Variants in NOMO2 observed in about 807,000 individuals in gnomAD.
NOMO2 encodes the protein NODAL modulator 2, also known as BOS complex subunit NOMO2.
A neutral mutation model predicts 67.1 loss-of-function variants in NOMO2; 14 were observed. The observed-to-expected ratio is 0.21, with a 90% CI of 0.14 to 0.33. The LOEUF is 0.33. Ranked by LOEUF, NOMO2 falls within the 10% of genes least tolerant of loss-of-function variation. The pLI, the probability that NOMO2 is intolerant of heterozygous loss-of-function variation, is 1.00. For synonymous variants in NOMO2, 80 were observed against 305.9 expected, an observed-to-expected ratio of 0.26 and a Z score of 7.71; for missense variants, 178 against 761.0, an observed-to-expected ratio of 0.23 and a Z score of 9.01.
intron 15 of NOMO2, among the ~76,000 whole-genome samples, chr16:18,528,994 T>A (rs1160282481): frequency 0.013 from 7 of 524 alleles, no homozygotes; most frequent in Non-Finnish European, 0.03. Context: ...AAAAAATACA[T>A]ATATATATAT....
chr16:18,561,189 A>C (rs1218423570), intron 1 of NOMO2, among the ~76,000 whole-genome samples: 1 of 135,188 alleles, frequency 7.4e-6, no homozygotes, highest in Non-Finnish European at 1.6e-5. Context: ...AAAAAAAAAA[A>C]AAAAAAAAAA....
chr16:18,531,754 A>G lies in NOMO2; in HGVS notation c.1396-147T>C, dbSNP rs1596847301. On this transcript the variant is annotated intron_variant, in intron 12 of 30. Transcript: ENST00000622306. ...TTTCCAGGCCAATTTTACAATCACA[A>G]CAAATCCACGAATAACTTGTGTGAA... 6.1e-6 allele frequency: 9 copies of G among 1,481,270 alleles called. No individual in the cohort carries two copies. In the East Asian group the frequency reaches 1.6e-4, roughly 26 times the overall value. The allele number at this position is 1,481,270 out of a possible 1,614,324, so 91.8% of individuals were successfully genotyped here.
rs1567249216 is a variant in NOMO2 at position 18,561,192 on chromosome 16, A to AAAC, written c.165+683_165+684insGTT. Among the ~76,000 whole-genome samples the AAAC allele has an allele frequency of 3.3e-3, 474 of 143,498 alleles. 12 individuals are homozygous for AAAC. Among genetic ancestry groups the AAAC allele is most frequent in the African/African-American group, 0.012 (452 of 38,922 alleles). 94.1% of individuals were successfully genotyped at this position (143,498 alleles called of 152,430 possible). A position where few individuals can be genotyped will look rare whatever the true frequency, so the allele number is the denominator to read the frequency against. On this transcript the variant is annotated intron_variant, in intron 1 of 30. Coordinates refer to ENST00000622306, the MANE Select transcript of NOMO2 (RefSeq NM_173614.4). ...CTTAATTAAAAAAAAAAAAAAAAAA[A>AAAC]AAAAAAAAAAAAAAACCTTTACAAA...
At chr16:18,547,646 C>T (rs1188516535) in intron 5 of NOMO2, among the ~76,000 whole-genome samples, 1 of 151,768 alleles carries the variant, frequency 6.6e-6, no homozygotes, top group Admixed American at 6.6e-5. Context: ...AGGTGACAGG[C>T]ATGAACTGAC....
At chr16:18,545,527 AAAT>A (rs907505139) in intron 6 of NOMO2, among the ~76,000 whole-genome samples, 3 of 149,378 alleles carry the variant, frequency 2.0e-5, no homozygotes. Flanking sequence ...TACAGAGTAA[AAAT>A]AATAATAAAA....
chr16:18,529,052 T>C (rs1901230272), intron 15 of NOMO2, among the ~76,000 whole-genome samples: 2 of 79,788 alleles, frequency 2.5e-5, no homozygotes, highest in Non-Finnish European at 4.8e-5. Context: ...TCAGAGAAAC[T>C]CACTTGGCAG....
At chr16:18,546,278 C>CAAA (rs71388802) in intron 6 of NOMO2, among the ~76,000 whole-genome samples, 2 of 17,934 alleles carry the variant, frequency 1.1e-4, no homozygotes, top group African/African-American at 2.0e-4. Context: ...GACCCTGTTG[C>CAAA]AAAAAAAAAA....
At chr16:18,560,586 C>G (rs963575343) in intron 1 of NOMO2, among the ~76,000 whole-genome samples, 3 of 151,810 alleles carry the variant, frequency 2.0e-5, no homozygotes, top group Non-Finnish European at 4.4e-5. Context: ...AGTGGGTATT[C>G]ATTCAATGCC....
intron 11 of NOMO2, 43 bp from the exon 12 acceptor site, chr16:18,533,222 A>G (rs371657177): frequency 2.8e-5 from 44 of 1,591,866 alleles, no homozygotes; most frequent in Non-Finnish European, 3.6e-5. Context: ...GGACTCAATT[A>G]TAACAGGAAA....
At chr16:18,550,087 G>A (rs1269225857) in intron 4 of NOMO2, among the ~76,000 whole-genome samples, 1 of 40,226 alleles carries the variant, frequency 2.5e-5, no homozygotes, top group African/African-American at 9.3e-5. Context: ...TTGAACCCAG[G>A]AGGCGGAGGT....
intron 15 of NOMO2, among the ~76,000 whole-genome samples, chr16:18,528,997 A>G (rs1596845151): frequency 9.1e-4 from 1 of 1,104 alleles, no homozygotes; most frequent in African/African-American, 1.6e-3. Context: ...AAATACATAT[A>G]TATATATATA....
At chr16:18,529,266 A>G in intron 15 of NOMO2, 1 of 625,660 alleles carries the variant, frequency 1.6e-6, no homozygotes, top group East Asian at 2.8e-5. Context: ...ACCCCGAATC[A>G]CCAGTCAGAT....
chr16:18,561,932 C>A lies in NOMO2; in HGVS notation c.109G>T (p.Val37Leu), dbSNP rs1197027166. Residue 37 changes from valine (V) to leucine (L), a missense_variant, in exon 1 of 31, where the codon GTG (valine) becomes TTG (leucine). Transcript: ENST00000622306. Reference protein sequence around the residue: ...GPAHGSEDIVVGCGGFVKSDV... With the variant: ...GPAHGSEDIVLGCGGFVKSDV... The stretch of plus-strand genomic sequence containing the variant: ...GACTTGACGAAGCCACCGCAGCCCA[C>A]CACGATGTCCTCCGAGCCGTGCGCC... 1.3e-6 allele frequency: 2 copies of A among 1,580,924 alleles called. No homozygotes were observed. Among genetic ancestry groups the A allele is most frequent in the Admixed American group, 1.8e-5 (1 of 55,030 alleles).
intron 1 of NOMO2, among the ~76,000 whole-genome samples, chr16:18,559,891 C>T (rs2141763740): frequency 6.6e-6 from 1 of 151,640 alleles, no homozygotes; most frequent in Middle Eastern, 3.4e-3. Context: ...CAGTAAGGTC[C>T]CTGTTAGAGA....
chr16:18,550,750 G>A (rs567157783), intron 4 of NOMO2, among the ~76,000 whole-genome samples: 1 of 152,226 alleles, frequency 6.6e-6, no homozygotes, highest in African/African-American at 2.4e-5. Context: ...GCAGATGCAC[G>A]CTCTCTCTGG....
intron 11 of NOMO2, among the ~76,000 whole-genome samples, chr16:18,534,456 C>T (rs930473289): frequency 3.6e-5 from 5 of 137,140 alleles, no homozygotes; most frequent in African/African-American, 1.3e-4. Flanking sequence ...TTACAAATGT[C>T]TATCTCAGCT....
rs2561923 is a variant in NOMO2, at chr16:18,529,200, G to A, written c.1806+301C>T. Among the ~76,000 whole-genome samples the A allele has an allele frequency of 8.8e-3, 1,277 of 145,368 alleles. 8 individuals carry two copies. The highest frequency in any genetic ancestry group is 0.031 in the African/African-American group (1,187 of 38,868). The stretch of plus-strand genomic sequence containing the variant: ...TGAGAAGCAGTAAATGAATTTACCC[G>A]AAGCTATTATTACTAATAATATAAA... On this transcript the variant is annotated intron_variant, in intron 15 of 30. Transcript: ENST00000622306.
chr16:18,562,031 C>T lies in NOMO2; in HGVS notation c.10G>A (p.Gly4Ser). 3 of 1,517,836 alleles carry T rather than the reference C, an allele frequency of 2.0e-6. No homozygotes were observed. Among genetic ancestry groups the T allele is most frequent in the Non-Finnish European group, 2.6e-6 (3 of 1,135,520 alleles). 94.0% of individuals were successfully genotyped at this position (1,517,836 alleles called of 1,614,324 possible). Residue 4 changes from glycine (G) to serine (S), a missense_variant, in exon 1 of 31, where the codon GGC (glycine) becomes AGC (serine). Transcript: ENST00000622306. Reference protein sequence around the residue: MLVGQGAGLLGPAV... With the variant: MLVSQGAGLLGPAV... ...GGCCCCAGCAGCCCCGCGCCCTGGC[C>T]CACCAGCATGGCCCGACCTCCCCCA...
chr16:18,552,469 G>GCGCA (rs1901809025), intron 3 of NOMO2, among the ~76,000 whole-genome samples: 1 of 97,638 alleles, frequency 1.0e-5, no homozygotes, highest in African/African-American at 3.6e-5. Context: ...ACGCGTACAT[G>GCGCA]CACACACACA....
Sources: gnomAD v4.1 joint callset for allele counts (sites outside exome capture counted in the v4.1 genomes callset) on GRCh38, gnomAD v4.1.1 for gene constraint, MANE v1.5 for transcripts, NCBI Gene and HGNC (gene_info 2026-07-23, HGNC 2026-07-21) for gene names.